C2orf49: variants seen among roughly 807,000 people sequenced by gnomAD.
The protein encoded by C2orf49 is tRNA splicing ligase complex subunit 2.
Under a neutral mutation model 20.6 loss-of-function variants are expected in C2orf49, and 11 were observed. The observed-to-expected ratio is 0.53, with a 90% CI of 0.34 to 0.88. The LOEUF (loss-of-function observed/expected upper bound fraction) is 0.88, where lower values mean the gene tolerates loss of function less well. C2orf49 is among the 40% of genes least tolerant of loss of function. The pLI, the probability that C2orf49 is intolerant of heterozygous loss-of-function variation, is 0.02. For missense variants in C2orf49, 289 were observed against 274.2 expected, an observed-to-expected ratio of 1.05 and a Z score of -0.38; for synonymous variants, 134 against 108.5, an observed-to-expected ratio of 1.24 and a Z score of -1.46.
the C2orf49 span, among the ~76,000 whole-genome samples, chr2:105,385,036 G>C: frequency 6.6e-6 from 1 of 152,248 alleles, no homozygotes; most frequent in Non-Finnish European, 1.5e-5. Flanking sequence ...ACAACTTTTA[G>C]AGTAGCCAGA....
Position 105,339,718 on chromosome 2 carries a change from GAAC to G in C2orf49, c.240_242del (p.Gln80del), listed in dbSNP as rs763693517. On this transcript the variant is annotated inframe_deletion, in exon 2 of 4. Coordinates refer to ENST00000258457, the MANE Select transcript of C2orf49 (RefSeq NM_024093.3). ...GGGGAAAATGATGGAAAAGAAAAGA[GAAC>G]AACATGAGATTAAAAATGAGACTAA... 7 of 1,601,744 alleles carry G rather than the reference GAAC, an allele frequency of 4.4e-6. No individual in the cohort carries two copies. The highest frequency in any genetic ancestry group is 5.9e-6 in the Non-Finnish European group (7 of 1,177,418).
At chr2:105,373,888 C>T in the C2orf49 span, among the ~76,000 whole-genome samples, 1 of 152,234 alleles carries the variant, frequency 6.6e-6, no homozygotes, top group African/African-American at 2.4e-5. Context: ...GACCACCTAA[C>T]TGCTGAAATC....
chr2:105,352,713 G>T (rs1203911053), downstream of C2orf49, among the ~76,000 whole-genome samples: 1 of 151,852 alleles, frequency 6.6e-6, no homozygotes, highest in African/African-American at 2.4e-5. Flanking sequence ...CAAAGTGCTG[G>T]GATTACAGGC....
At position 105,343,690 on chromosome 2, in the gene C2orf49, G is replaced by C. The variant is rs769191565; in HGVS notation, c.642+467G>C. On this transcript the variant is annotated intron_variant, in intron 3 of 3. Transcript: ENST00000258457. The stretch of plus-strand genomic sequence containing the variant: ...AGAATCTTTTTAAGATTTACCACTT[G>C]CCTCGCCTACTGCTCAATTTACCTA... Among the ~76,000 whole-genome samples the C allele has an allele frequency of 2.0e-4, 30 of 152,238 alleles. 1 individual carries two copies. Among genetic ancestry groups the C allele is most frequent in the Middle Eastern group, 6.8e-3 (2 of 294 alleles).
chr2:105,358,621 A>T, the C2orf49 span: 1 of 152,260 alleles, frequency 6.6e-6, no homozygotes, highest in African/African-American at 2.4e-5. Flanking sequence ...TTAGTAGTGG[A>T]TTTTCCTGAA....
the C2orf49 span, chr2:105,363,582 GT>G: frequency 5.0e-6 from 5 of 1,008,566 alleles, no homozygotes; most frequent in Non-Finnish European, 5.8e-6. Context: ...CGTCCAGTTT[GT>G]TAAGTCACCA....
rs1408666848 is a variant in C2orf49, at chr2:105,349,046, G to C, written c.*3675G>C. Reference sequence around the variant, plus strand: ...TTGAGGGATGGAAATAGAAGTCTCTGAACTTCCCATGTAATATTAAAGCTC... The same window carrying C: ...TTGAGGGATGGAAATAGAAGTCTCTCAACTTCCCATGTAATATTAAAGCTC... On this transcript the variant is annotated 3_prime_UTR_variant, in exon 4 of 4. Transcript: ENST00000258457. 3 of 152,200 alleles carry C rather than the reference G, an allele frequency of 2.0e-5. No individual in the cohort carries two copies. The East Asian group carries it at 5.8e-4, about 29-fold the overall frequency. 9.4% of individuals were successfully genotyped at this position (152,200 alleles called of 1,614,324 possible).
intron 1 of C2orf49, among the ~76,000 whole-genome samples, chr2:105,338,447 G>T (rs1302623507): frequency 6.6e-6 from 1 of 152,198 alleles, no homozygotes. Flanking sequence ...AGGTACTTAA[G>T]AATGAGTCGA....
chr2:105,378,056 T>G, the C2orf49 span: 18 of 471,018 alleles, frequency 3.8e-5, no homozygotes, highest in Non-Finnish European at 7.5e-5. Context: ...CCACTAGATG[T>G]CACCACAGCC....
the C2orf49 span, chr2:105,375,352 T>C: frequency 2.0e-5 from 3 of 152,256 alleles, no homozygotes; most frequent in East Asian, 5.8e-4. Context: ...GCTATCCCTG[T>C]TGGAAGTTTG....
At chr2:105,351,911 C>T (rs530164460), downstream of C2orf49, among the ~76,000 whole-genome samples, 7 of 152,218 alleles carry the variant, frequency 4.6e-5, no homozygotes, top group African/African-American at 1.7e-4. Flanking sequence ...CTATATGTAA[C>T]CATCTGTATC....
Position 105,348,370 on chromosome 2 carries a change from G to C in C2orf49, c.*2999G>C, listed in dbSNP as rs1174878171. On this transcript the variant is annotated 3_prime_UTR_variant, in exon 4 of 4. Coordinates refer to ENST00000258457, the MANE Select transcript of C2orf49 (RefSeq NM_024093.3). ...ACTATGAGGCCATAATATATTTGCT[G>C]GTATTAAAATTCTTCAGAATTGGAA... 2 of 151,870 alleles carry C rather than the reference G, an allele frequency of 1.3e-5. No individual in the cohort carries two copies. Among genetic ancestry groups the C allele is most frequent in the South Asian group, 2.1e-4 (1 of 4,820 alleles). 9.4% of individuals were successfully genotyped at this position (151,870 alleles called of 1,614,324 possible). A position where few individuals can be genotyped will look rare whatever the true frequency, so the allele number is the denominator to read the frequency against.
the C2orf49 span, among the ~76,000 whole-genome samples, chr2:105,362,355 C>T: frequency 6.6e-6 from 1 of 152,134 alleles, no homozygotes; most frequent in Non-Finnish European, 1.5e-5. Flanking sequence ...CATGAGAGTA[C>T]TGTTTTAGCG....
Position 105,342,948 on chromosome 2 carries a change from A to T in C2orf49, c.367A>T (p.Asn123Tyr), listed in dbSNP as rs750576144. 3.7e-6 allele frequency: 6 copies of T among 1,614,252 alleles called. No homozygotes were observed. Among genetic ancestry groups the T allele is most frequent in the Non-Finnish European group, 5.1e-6 (6 of 1,180,048 alleles). Residue 123 changes from asparagine (N) to tyrosine (Y), a missense_variant, in exon 3 of 4, where the codon AAT becomes TAT. Coordinates refer to ENST00000258457, the MANE Select transcript of C2orf49 (RefSeq NM_024093.3). ...AGTGAAAAAGACAGAGAATGGAGAT[A>T]ATGATCGACTGAAGCCTCCCCCGCA... Reference protein sequence around the residue: ...IKVKKTENGDNDRLKPPPQAS... With the variant: ...IKVKKTENGDYDRLKPPPQAS...
chr2:105,365,560 C>A, the C2orf49 span, among the ~76,000 whole-genome samples: 1 of 151,212 alleles, frequency 6.6e-6, no homozygotes, highest in African/African-American at 2.4e-5. Flanking sequence ...GGGGAGAGAA[C>A]AGGGAAGAGG....
chr2:105,374,056 AC>A, the C2orf49 span: 1 of 355,530 alleles, frequency 2.8e-6, no homozygotes, highest in Non-Finnish European at 5.3e-6. Context: ...AAACATGAAC[AC>A]CTATCAATTC....
the C2orf49 span, among the ~76,000 whole-genome samples, chr2:105,367,959 C>T: frequency 2.0e-5 from 3 of 152,162 alleles, no homozygotes; most frequent in Admixed American, 6.5e-5. Context: ...TAGAACAACA[C>T]GTGTACATTT....
At chr2:105,353,132 C>A (rs922223981), downstream of C2orf49, among the ~76,000 whole-genome samples, 12 of 152,132 alleles carry the variant, frequency 7.9e-5, no homozygotes, top group Admixed American at 6.5e-4. Context: ...ACTCATCTTT[C>A]TTTTTTTTAA....
chr2:105,371,771 C>T, the C2orf49 span, among the ~76,000 whole-genome samples: 1 of 152,032 alleles, frequency 6.6e-6, no homozygotes, highest in East Asian at 1.9e-4. Context: ...TTCCTTGGGC[C>T]CTTGTTCAGG....
Sources: gnomAD v4.1 joint callset for allele counts (sites outside exome capture counted in the v4.1 genomes callset) on GRCh38, gnomAD v4.1.1 for gene constraint, MANE v1.5 for transcripts, NCBI Gene and HGNC (gene_info 2026-07-23, HGNC 2026-07-21) for gene names.